The following WWP2 variants were observed in gnomAD, a reference collection of about 807,000 sequenced individuals.
The protein encoded by WWP2 is NEDD4-like E3 ubiquitin-protein ligase WWP2.
WWP2 carries 57 observed loss-of-function variants against 121.0 expected under a neutral mutation model. The observed-to-expected ratio is 0.47, with a 90% CI of 0.38 to 0.59. The LOEUF is 0.59. Among genes scored for constraint, WWP2 ranks in the 20% least tolerant of loss-of-function variants. The pLI is 0.00. For synonymous variants in WWP2, 449 were observed against 441.3 expected (o/e 1.02, Z -0.22); for missense variants, 962 against 1,158.9 (o/e 0.83, Z 2.47).
intron 4 of WWP2, among the ~76,000 whole-genome samples, chr16:69,839,243 A>T (rs901022973): frequency 2.0e-5 from 3 of 152,170 alleles, no homozygotes; most frequent in Non-Finnish European, 4.4e-5. Context: ...ATAAAGGCTG[A>T]TTCCCTCTTG....
At chr16:69,927,417 C>T (rs1008892728) in intron 11 of WWP2, among the ~76,000 whole-genome samples, 3 of 150,520 alleles carry the variant, frequency 2.0e-5, no homozygotes, top group South Asian at 2.2e-4. Context: ...CATCTGCCCT[C>T]GGCAGCCCTG....
At chr16:69,867,059 C>T (rs756809457) in intron 6 of WWP2, among the ~76,000 whole-genome samples, 7 of 151,336 alleles carry the variant, frequency 4.6e-5, no homozygotes, top group Non-Finnish European at 7.4e-5. Context: ...TGGTCTCGAA[C>T]TCCTGACCTC....
Position 69,917,757 on chromosome 16 carries a change from C to T in WWP2, c.1053C>T (p.His351=). Residue 351 remains histidine (H), a synonymous_variant, in exon 10 of 24, where the codon CAC becomes CAT. Transcript: ENST00000359154. The part of the protein sequence containing the change: ...DPRGRFYYVD[H]NTRTTTWQRP... ...GAGGCAGGTTTTACTATGTGGATCA[C>T]AATACTCGGACCACCACCTGGCAGC... 6.2e-7 allele frequency: 1 copy of T among 1,613,546 alleles called. No individual in the cohort carries two copies. The highest frequency in any genetic ancestry group is 8.5e-7 in the Non-Finnish European group (1 of 1,179,416).
chr16:69,830,186 C>T (rs1343864479), intron 4 of WWP2, among the ~76,000 whole-genome samples: 1 of 152,158 alleles, frequency 6.6e-6, no homozygotes, highest in Non-Finnish European at 1.5e-5. Flanking sequence ...AACTCCAGCG[C>T]TCAGGCGATC....
At chr16:69,826,613 C>T (rs1348496915) in intron 4 of WWP2, among the ~76,000 whole-genome samples, 1 of 146,368 alleles carries the variant, frequency 6.8e-6, no homozygotes, top group Non-Finnish European at 1.5e-5. Context: ...GGCACGGTGG[C>T]TAAGGCCTGT....
intron 1 of WWP2, among the ~76,000 whole-genome samples, chr16:69,772,206 C>G (rs1008735155): frequency 6.6e-6 from 1 of 152,042 alleles, no homozygotes; most frequent in African/African-American, 2.4e-5. Context: ...GGTGATCCGC[C>G]TGCCTCGGCC....
chr16:69,792,850 C>A (rs956988495), intron 2 of WWP2, among the ~76,000 whole-genome samples: 1 of 152,106 alleles, frequency 6.6e-6, no homozygotes, highest in Non-Finnish European at 1.5e-5. Flanking sequence ...AGCCACTACA[C>A]CTGGCTAATA....
intron 2 of WWP2, among the ~76,000 whole-genome samples, chr16:69,795,256 G>A (rs991117365): frequency 1.5e-4 from 11 of 73,578 alleles, no homozygotes; most frequent in Non-Finnish European, 2.5e-4. Context: ...AAAAAAATGC[G>A]GATACACACA....
At chr16:69,813,948 C>T (rs1028250417) in intron 4 of WWP2, among the ~76,000 whole-genome samples, 1 of 152,162 alleles carries the variant, frequency 6.6e-6, no homozygotes, top group South Asian at 2.1e-4. Flanking sequence ...GAAAGGCAAA[C>T]AAGTGGCATT....
At chr16:69,864,631 C>T (rs960544071) in intron 6 of WWP2, among the ~76,000 whole-genome samples, 2 of 150,722 alleles carry the variant, frequency 1.3e-5, no homozygotes, top group Non-Finnish European at 3.0e-5. Flanking sequence ...CTCACTGCCA[C>T]CTTGGCCTCT....
At chr16:69,893,473 A>G (rs978047794) in intron 8 of WWP2, among the ~76,000 whole-genome samples, 4 of 152,252 alleles carry the variant, frequency 2.6e-5, no homozygotes, top group Non-Finnish European at 5.9e-5. Flanking sequence ...CAAGGGCAAG[A>G]AAGTTGAGCC....
At chr16:69,891,661 C>T (rs973303049) in intron 8 of WWP2, among the ~76,000 whole-genome samples, 15 of 152,154 alleles carry the variant, frequency 9.9e-5, no homozygotes, top group Non-Finnish European at 2.1e-4. Flanking sequence ...CCCCCTGGCT[C>T]GACTCAGCCA....
intron 1 of WWP2, among the ~76,000 whole-genome samples, chr16:69,763,238 A>G (rs1449564009): frequency 1.3e-5 from 2 of 152,108 alleles, no homozygotes; most frequent in Non-Finnish European, 2.9e-5. Flanking sequence ...TTCCGTTTAA[A>G]TTATTCAGTT....
At chr16:69,871,281 A>G (rs903725406) in intron 6 of WWP2, among the ~76,000 whole-genome samples, 1 of 152,196 alleles carries the variant, frequency 6.6e-6, no homozygotes, top group Non-Finnish European at 1.5e-5. Flanking sequence ...CCTGTCTCTA[A>G]ACAAACAAGT....
Position 69,931,901 on chromosome 16 carries a change from G to T in WWP2, c.1682+11G>T. 1 of 1,611,298 alleles carries T rather than the reference G, an allele frequency of 6.2e-7. No individual in the cohort carries two copies. ...TGGGGGCATCGCCAGGTGAGCTTGA[G>T]TGCCCCGGAAGGCTGCCCTGTACCC... On this transcript the variant is annotated intron_variant, in intron 16 of 23. Coordinates refer to ENST00000359154, the MANE Select transcript of WWP2 (RefSeq NM_001270454.2).
At chr16:69,832,553 G>GT (rs2056812699) in intron 4 of WWP2, among the ~76,000 whole-genome samples, 1 of 152,006 alleles carries the variant, frequency 6.6e-6, no homozygotes, top group Non-Finnish European at 1.5e-5. Flanking sequence ...AATTTTTAAT[G>GT]TTTTTTGAGA....
rs143518671 is a variant in WWP2 at position 69,794,106 on chromosome 16, C to T, written c.71-4576C>T. 3.1e-3 allele frequency among the ~76,000 whole-genome samples: 464 copies of T among 152,056 alleles called. 5 individuals are homozygous for T. Among genetic ancestry groups the T allele is most frequent in the African/African-American group, 0.01 (417 of 41,532 alleles). On this transcript the variant is annotated intron_variant, in intron 2 of 23. Transcript: ENST00000359154. ...CTAAGTTTTGTACTTGTAGTAGAGA[C>T]GGGGTTTCACCAAGTTGGCCAGGCT...
chr16:69,803,223 A>G (rs921176770), intron 4 of WWP2, among the ~76,000 whole-genome samples: 2 of 151,826 alleles, frequency 1.3e-5, no homozygotes, highest in Non-Finnish European at 2.9e-5. Context: ...CTGGCCTCTC[A>G]ATAAGAAGTA....
chr16:69,800,874 T>A (rs1272649278), intron 4 of WWP2, among the ~76,000 whole-genome samples: 1 of 150,544 alleles, frequency 6.6e-6, no homozygotes, highest in East Asian at 2.0e-4. Flanking sequence ...CTGATAGTTA[T>A]TCTTAATGTT....
Sources: gnomAD v4.1 joint callset for allele counts (sites outside exome capture counted in the v4.1 genomes callset) on GRCh38, gnomAD v4.1.1 for gene constraint, MANE v1.5 for transcripts, NCBI Gene and HGNC (gene_info 2026-07-23, HGNC 2026-07-21) for gene names.